CNTNAP5: variants seen among roughly 807,000 people sequenced by gnomAD.
CNTNAP5 encodes the protein contactin-associated protein-like 5.
A neutral mutation model predicts 150.2 loss-of-function variants in CNTNAP5; 72 were observed. The ratio of observed to expected loss-of-function variants is 0.48; its 90% confidence interval spans 0.40 to 0.58. The LOEUF (loss-of-function observed/expected upper bound fraction) is 0.58. Ranked by LOEUF, CNTNAP5 falls within the 20% of genes least tolerant of loss-of-function variation. The pLI is 0.00. For synonymous variants in CNTNAP5, 672 were observed against 619.8 expected (o/e 1.08, Z -1.25); for missense variants, 1,636 against 1,626.2 (o/e 1.01, Z -0.10).
At chr2:124,337,411 C>T (rs185231367) in intron 3 of CNTNAP5, among the ~76,000 whole-genome samples, 4 of 152,250 alleles carry the variant, frequency 2.6e-5, no homozygotes, top group East Asian at 1.9e-4. Flanking sequence ...GCTTTTGTTG[C>T]CATTGCTTTT....
intron 1 of CNTNAP5, among the ~76,000 whole-genome samples, chr2:124,211,546 A>T (rs1011054080): frequency 3.3e-5 from 5 of 151,994 alleles, no homozygotes; most frequent in Non-Finnish European, 7.4e-5. Flanking sequence ...ACACACACAT[A>T]AGCAACCACA....
At chr2:124,068,823 A>G (rs1234053026) in intron 1 of CNTNAP5, among the ~76,000 whole-genome samples, 10 of 151,892 alleles carry the variant, frequency 6.6e-5, no homozygotes, top group Non-Finnish European at 1.2e-4. Flanking sequence ...CCCAGGCCCT[A>G]GCTCCCAGAC....
intron 10 of CNTNAP5, among the ~76,000 whole-genome samples, chr2:124,538,145 C>T (rs1225689884): frequency 6.6e-6 from 1 of 152,134 alleles, no homozygotes; most frequent in Non-Finnish European, 1.5e-5. Flanking sequence ...CTACAAAGTC[C>T]CCAGGGCTCT....
At chr2:124,686,488 A>G (rs999107199) in intron 13 of CNTNAP5, among the ~76,000 whole-genome samples, 6 of 152,262 alleles carry the variant, frequency 3.9e-5, no homozygotes, top group South Asian at 2.1e-4. Flanking sequence ...CACCTATAGA[A>G]GAAAAGGACC....
chr2:124,331,517 G>A (rs1015390333), intron 3 of CNTNAP5, among the ~76,000 whole-genome samples: 15 of 151,418 alleles, frequency 9.9e-5, no homozygotes, highest in Middle Eastern at 6.9e-3. Context: ...GTACCTTTAG[G>A]TGCTATTCTG....
intron 1 of CNTNAP5, among the ~76,000 whole-genome samples, chr2:124,086,049 T>A (rs1044674974): frequency 1.7e-4 from 26 of 152,170 alleles, no homozygotes; most frequent in African/African-American, 5.8e-4. Flanking sequence ...GTTGTATCAA[T>A]CATGTAGAGA....
intron 19 of CNTNAP5, among the ~76,000 whole-genome samples, chr2:124,835,456 A>G (rs569142190): frequency 1.3e-5 from 2 of 152,280 alleles, no homozygotes; most frequent in South Asian, 2.1e-4. Context: ...GGAAAGGTCC[A>G]TCCTGACAGC....
At chr2:124,774,656 A>G (rs185030888) in intron 17 of CNTNAP5, among the ~76,000 whole-genome samples, 1 of 152,280 alleles carries the variant, frequency 6.6e-6, no homozygotes, top group East Asian at 1.9e-4. Flanking sequence ...AATCTAATAT[A>G]TTTTTTGGTG....
chr2:124,268,043 G>A (rs1040765663), intron 3 of CNTNAP5, among the ~76,000 whole-genome samples: 11 of 152,132 alleles, frequency 7.2e-5, no homozygotes, highest in South Asian at 2.1e-4. Flanking sequence ...CTGTACAAGC[G>A]AAGCACATTT....
intron 1 of CNTNAP5, among the ~76,000 whole-genome samples, chr2:124,035,910 CTTTTTTTT>C (rs759598012): frequency 1.7e-4 from 13 of 76,532 alleles, no homozygotes; most frequent in Non-Finnish European, 2.0e-4. Flanking sequence ...AGGATGAACT[CTTTTTTTT>C]TTTTTTTTTT....
intron 1 of CNTNAP5, among the ~76,000 whole-genome samples, chr2:124,167,413 A>G (rs1011671790): frequency 6.6e-6 from 1 of 152,230 alleles, no homozygotes; most frequent in Non-Finnish European, 1.5e-5. Context: ...TATCACCAGG[A>G]GTTGTCAAGT....
At chr2:124,161,486 T>A (rs1684677227) in intron 1 of CNTNAP5, among the ~76,000 whole-genome samples, 1 of 152,086 alleles carries the variant, frequency 6.6e-6, no homozygotes, top group Admixed American at 6.6e-5. Flanking sequence ...ACATGACAGC[T>A]CCTAGAGGCT....
intron 7 of CNTNAP5, among the ~76,000 whole-genome samples, chr2:124,498,001 A>G (rs1255599526): frequency 6.6e-6 from 1 of 152,122 alleles, no homozygotes; most frequent in African/African-American, 2.4e-5. Context: ...CTGCCATGAC[A>G]CTCCTGTCCA....
chr2:124,495,409 G>T (rs1027610826), intron 7 of CNTNAP5, among the ~76,000 whole-genome samples: 1 of 152,112 alleles, frequency 6.6e-6, no homozygotes, highest in African/African-American at 2.4e-5. Context: ...AAGTAGATTT[G>T]GGAGGGCAAA....
chr2:124,841,354 A>T (rs1573653524), intron 19 of CNTNAP5, among the ~76,000 whole-genome samples: 1 of 147,954 alleles, frequency 6.8e-6, no homozygotes, highest in Non-Finnish European at 1.5e-5. Context: ...CCCACCTTCC[A>T]CCCAACCATA....
At chr2:124,205,765 C>T (rs1685847899) in intron 1 of CNTNAP5, among the ~76,000 whole-genome samples, 1 of 152,210 alleles carries the variant, frequency 6.6e-6, no homozygotes, top group Admixed American at 6.5e-5. Context: ...TGAGAATGGA[C>T]TAATACAGAG....
chr2:124,420,504 A>G (rs961384119), intron 4 of CNTNAP5, among the ~76,000 whole-genome samples: 2 of 152,110 alleles, frequency 1.3e-5, no homozygotes, highest in African/African-American at 4.8e-5. Context: ...GAGACATTTG[A>G]TGGGCAGTTT....
At chr2:124,256,639 T>C (rs1432059766) in intron 3 of CNTNAP5, among the ~76,000 whole-genome samples, 1 of 152,136 alleles carries the variant, frequency 6.6e-6, no homozygotes, top group Non-Finnish European at 1.5e-5. Flanking sequence ...ATGAGTTTAT[T>C]TGGAGAAAAG....
intron 3 of CNTNAP5, among the ~76,000 whole-genome samples, chr2:124,246,732 A>C (rs759146266): frequency 6.6e-6 from 1 of 152,108 alleles, no homozygotes; most frequent in Non-Finnish European, 1.5e-5. Flanking sequence ...CAATTCCCAC[A>C]CTGTCAGTGA....
Sources: gnomAD v4.1 joint callset for allele counts (sites outside exome capture counted in the v4.1 genomes callset) on GRCh38, gnomAD v4.1.1 for gene constraint, MANE v1.5 for transcripts, NCBI Gene and HGNC (gene_info 2026-07-23, HGNC 2026-07-21) for gene names.